ADAMTS13: variants seen among roughly 807,000 people sequenced by gnomAD.
The protein encoded by ADAMTS13 is ADAM metallopeptidase with thrombospondin type 1 motif 13, also known as A disintegrin and metalloproteinase with thrombospondin motifs 13.
ADAMTS13 carries 110 observed loss-of-function variants against 155.1 expected under a neutral mutation model. That is an observed-to-expected ratio of 0.71 (90% CI 0.61 to 0.83). The LOEUF is 0.83. Among genes scored for constraint, ADAMTS13 ranks in the 40% least tolerant of loss-of-function variants. ADAMTS13 has a pLI of 0.00. For synonymous variants in ADAMTS13, 758 were observed against 756.4 expected (o/e 1.00, Z -0.03); for missense variants, 1,707 against 1,891.7 (o/e 0.90, Z 1.81).
chr9:133,429,802 C>A, intron 7 of ADAMTS13, 137 bp from the exon 8 acceptor site: 1 of 1,198,758 alleles, frequency 8.3e-7, no homozygotes, highest in Non-Finnish European at 1.2e-6. Context: ...GTGGGGGGCG[C>A]GGGCCGAGAA....
At chr9:133,420,032 G>A (rs1554782713), upstream of ADAMTS13, among the ~76,000 whole-genome samples, 1 of 152,146 alleles carries the variant, frequency 6.6e-6, no homozygotes, top group East Asian at 1.9e-4. Context: ...AGCCTCCCGA[G>A]TAGCTGGGAT....
Position 133,445,753 on chromosome 9 carries a change from A to G in ADAMTS13, c.2665A>G (p.Thr889Ala). The G allele has an allele frequency of 1.2e-6, 2 of 1,610,692 alleles. No individual in the cohort carries two copies. The highest frequency in any genetic ancestry group is 1.7e-4 in the Middle Eastern group (1 of 6,054). ...KAPSPWGSIR[T>A]GAQAAHVWTP... ...TCCCTCCCCATGGGGCAGCATCAGG[A>G]CGGGGGCTCAAGCTGCACACGTGTG... The change falls in exon 21 of 29, where the codon ACG becomes GCG. Residue 889 changes from threonine (T) to alanine (A), a missense_variant. Coordinates refer to ENST00000355699, the MANE Select transcript of ADAMTS13 (RefSeq NM_139027.6). This position sits in a 1 kb window ranked among gnomAD's most constrained non-coding sequence, Gnocchi z 5.0.
intron 6 of ADAMTS13, 66 bp from the exon 7 acceptor site, chr9:133,428,568 T>TGCCC: frequency 1.6e-5 from 2 of 124,986 alleles, no homozygotes; most frequent in East Asian, 2.3e-4. Context: ...CCGACCCCCG[T>TGCCC]CCCGCCCCCA....
chr9:133,430,246 G>C, intron 8 of ADAMTS13, 145 bp downstream of exon 8: 1 of 1,002,470 alleles, frequency 1.0e-6, no homozygotes, highest in Non-Finnish European at 1.5e-6. Context: ...GTTTAATGCT[G>C]TCTGTGCCCT....
upstream of ADAMTS13, among the ~76,000 whole-genome samples, chr9:133,418,617 A>C (rs925582160): frequency 1.5e-4 from 23 of 152,136 alleles, no homozygotes; most frequent in African/African-American, 5.3e-4. Flanking sequence ...TTACAACCCT[A>C]AGGGGGTCTG....
At position 133,423,186 on chromosome 9, in the gene ADAMTS13, T is replaced by C; in HGVS notation, c.172+19T>C. ...TTAAAAGGTACTTGTCCTGGTGTCTTCTCTCCCGGGGGGAGTTTCTCAGGA... is the reference window on the plus strand; with the variant it reads ...TTAAAAGGTACTTGTCCTGGTGTCTCCTCTCCCGGGGGGAGTTTCTCAGGA... On this transcript the variant is annotated intron_variant, in intron 2 of 28. Transcript: ENST00000355699. 1 of 1,612,392 alleles carries C rather than the reference T, an allele frequency of 6.2e-7. No homozygotes were observed. The highest frequency in any genetic ancestry group is 1.7e-5 in the Admixed American group (1 of 60,006).
intron 21 of ADAMTS13, 146 bp from the exon 22 acceptor site, chr9:133,448,453 T>C: frequency 2.0e-6 from 2 of 995,634 alleles, no homozygotes; most frequent in African/African-American, 1.6e-5. Flanking sequence ...TTAAGTCAGT[T>C]GTCTGAGGTC....
Position 133,457,955 on chromosome 9 carries a change from C to T in ADAMTS13, c.3770C>T (p.Pro1257Leu). The T allele has an allele frequency of 1.2e-6, 2 of 1,613,764 alleles. No individual in the cohort carries two copies. The highest frequency in any genetic ancestry group is 2.2e-5 in the South Asian group (2 of 91,086). Reference sequence around the variant, plus strand: ...GGGCCCTGGGGTGAAATCGTGAGCCCCTCGCTGAGTCCAGCCACGAGTAAT... The same window carrying T: ...GGGCCCTGGGGTGAAATCGTGAGCCTCTCGCTGAGTCCAGCCACGAGTAAT... ...LFGPWGEIVS[P>L]SLSPATSNAG... Residue 1257 changes from proline (P) to leucine (L), a missense_variant, in exon 28 of 29, where the codon CCC becomes CTC. Coordinates refer to ENST00000355699, the MANE Select transcript of ADAMTS13 (RefSeq NM_139027.6).
chr9:133,456,650 T>C lies in ADAMTS13; in HGVS notation c.3655T>C (p.Cys1219Arg), dbSNP rs1554796129. The change falls in exon 27 of 29, where the codon TGC (cysteine) becomes CGC (arginine). Residue 1219 changes from cysteine to arginine, a missense_variant. By Grantham distance (180) the Cys-to-Arg change is radical. Transcript: ENST00000355699. This position sits in a 1 kb window ranked among gnomAD's most constrained non-coding sequence, Gnocchi z 4.4. ...KTNTLVVRQR[C>R]GRPGGGVLLR... ...CAACACGCTGGTGGTGAGGCAGCGC[T>C]GCGGGCGGCCAGGAGGTGGGGTGCT... The C allele has an allele frequency of 1.2e-6, 2 of 1,606,128 alleles. No individual in the cohort carries two copies. The highest frequency in any genetic ancestry group is 8.5e-7 in the Non-Finnish European group (1 of 1,176,494).
Position 133,429,955 on chromosome 9 carries a change from T to G in ADAMTS13, c.841T>G (p.Cys281Gly). Residue 281 changes from cysteine (C) to glycine (G), a missense_variant, in exon 8 of 29, where the codon TGC (cysteine) becomes GGC (glycine). Coordinates refer to ENST00000355699, the MANE Select transcript of ADAMTS13 (RefSeq NM_139027.6). The stretch of plus-strand genomic sequence containing the variant: ...TTGTCGCAGCGCAGGACGGGCGCGC[T>G]GCGTGTGGGACCCGCCGCGGCCTCA... ...LSLLSAGRAR[C>G]VWDPPRPQPG... 1 of 1,537,470 alleles carries G rather than the reference T, an allele frequency of 6.5e-7. No individual in the cohort carries two copies. Among genetic ancestry groups the G allele is most frequent in the Non-Finnish European group, 8.7e-7 (1 of 1,146,376 alleles).
Position 133,436,887 on chromosome 9 carries a change from A to G in ADAMTS13, c.1367A>G (p.Gln456Arg). Reference protein sequence around the residue: ...MSQQCARTDGQPLRSSPGGAS... With the variant: ...MSQQCARTDGRPLRSSPGGAS... ...CAACAGTGCGCCAGGACCGACGGCC[A>G]GCCGCTGCGCTCCTCCCCTGGCGGC... Residue 456 changes from glutamine (Q) to arginine (R), a missense_variant, in exon 12 of 29, where the codon CAG becomes CGG. Gln to Arg is a conservative substitution (Grantham distance 43, BLOSUM62 1). This residue lies in a region of ADAMTS13 where 733 missense variants were observed against 749.6 expected (regional missense o/e 0.98). Coordinates refer to ENST00000355699, the MANE Select transcript of ADAMTS13 (RefSeq NM_139027.6). 2 of 1,585,068 alleles carry G rather than the reference A, an allele frequency of 1.3e-6. No individual in the cohort carries two copies. Among genetic ancestry groups the G allele is most frequent in the Non-Finnish European group, 1.7e-6 (2 of 1,166,608 alleles).
At chr9:133,443,962 G>A (rs1271127229) in intron 19 of ADAMTS13, among the ~76,000 whole-genome samples, 1 of 152,080 alleles carries the variant, frequency 6.6e-6, no homozygotes, top group Non-Finnish European at 1.5e-5. Context: ...ATCCTGCCCT[G>A]CCACTAACGA....
At chr9:133,417,780 G>C (rs781805760), upstream of ADAMTS13, 27 of 1,611,018 alleles carry the variant, frequency 1.7e-5, no homozygotes, top group Non-Finnish European at 2.3e-5. Flanking sequence ...CGTCTTGACA[G>C]GACCCGGCTT....
At chr9:133,451,145 C>A (rs2130920988) in intron 23 of ADAMTS13, among the ~76,000 whole-genome samples, 1 of 152,320 alleles carries the variant, frequency 6.6e-6, no homozygotes, top group African/African-American at 2.4e-5. Context: ...TAAAGAAATA[C>A]TTTTCTATAT....
Position 133,448,494 on chromosome 9 carries a change from G to A in ADAMTS13, c.2732-105G>A, listed in dbSNP as rs1842216792. The A allele has an allele frequency of 6.7e-6, 10 of 1,501,908 alleles. No homozygotes were observed. In the South Asian group the frequency reaches 9.1e-5, roughly 14 times the overall value. 93.0% of individuals were successfully genotyped at this position (1,501,908 alleles called of 1,614,324 possible). On this transcript the variant is annotated intron_variant, in intron 21 of 28. Transcript: ENST00000355699. The stretch of plus-strand genomic sequence containing the variant: ...GCTGGTAAGTGGCAGAGCCGGGATT[G>A]AAACCCATGCGGGCCTTATGTGCTA...
At position 133,456,790 on chromosome 9, in the gene ADAMTS13, G is replaced by A. The variant is rs1554796187; in HGVS notation, c.3724+71G>A. On this transcript the variant is annotated intron_variant, in intron 27 of 28. Transcript: ENST00000355699. The surrounding 1 kb of genome is among the most constrained non-coding windows in gnomAD (Gnocchi z 4.4). The stretch of plus-strand genomic sequence containing the variant: ...CAGGGAGGCTGGGTGGGTGCTGCTG[G>A]GGATGGGGCCAGTCCCAGTGGGGCA... 1.3e-6 allele frequency: 2 copies of A among 1,527,134 alleles called. No individual in the cohort carries two copies. Among genetic ancestry groups the A allele is most frequent in the South Asian group, 2.4e-5 (2 of 83,424 alleles). The allele number at this position is 1,527,134 out of a possible 1,614,324, so 94.6% of individuals were successfully genotyped here. A position where few individuals can be genotyped will look rare whatever the true frequency, so the allele number is the denominator to read the frequency against.
chr9:133,455,821 C>T lies in ADAMTS13; in HGVS notation c.3401-248C>T, dbSNP rs36222583. On this transcript the variant is annotated intron_variant, in intron 25 of 28. Coordinates refer to ENST00000355699, the MANE Select transcript of ADAMTS13 (RefSeq NM_139027.6). ...GAAGGTAGGAACCCAGCTTGTGAGC[C>T]CCCTAGCCTCTGGGCTGCTCTGCAT... 3.7e-3 allele frequency: 2,892 copies of T among 778,614 alleles called. 15 individuals are homozygous for T. The highest frequency in any genetic ancestry group is 4.8e-3 in the Non-Finnish European group (2,278 of 478,168). The allele number at this position is 778,614 out of a possible 1,614,324, so 48.2% of individuals were successfully genotyped here.
chr9:133,430,096 C>G lies in ADAMTS13; in HGVS notation c.982C>G (p.His328Asp). ...KAVACTFARE[H>D]LDMCQALSCH... The stretch of plus-strand genomic sequence containing the variant: ...TGTCGCCTGCACCTTCGCCAGGGAG[C>G]ACCTGGTGAGTCTGCCGGCGGTGGC... The change falls in exon 8 of 29, where the codon CAC becomes GAC. Residue 328 changes from histidine (H) to aspartate (D), a missense_variant. This residue lies in a region of ADAMTS13 where 733 missense variants were observed against 749.6 expected (regional missense o/e 0.98). Coordinates refer to ENST00000355699, the MANE Select transcript of ADAMTS13 (RefSeq NM_139027.6). 2 of 1,585,442 alleles carry G rather than the reference C, an allele frequency of 1.3e-6. No individual in the cohort carries two copies. The highest frequency in any genetic ancestry group is 1.7e-6 in the Non-Finnish European group (2 of 1,171,502).
intron 5 of ADAMTS13, 52 bp downstream of exon 5, chr9:133,426,114 C>T: frequency 6.2e-7 from 1 of 1,613,928 alleles, no homozygotes; most frequent in Non-Finnish European, 8.5e-7. Context: ...AAGGCTGCTC[C>T]CTCAGCCTCC....
Sources: gnomAD v4.1 joint callset for allele counts (sites outside exome capture counted in the v4.1 genomes callset) on GRCh38, gnomAD v4.1.1 for gene constraint, gnomAD v4.1.1 regional missense constraint, Gnocchi (gnomAD v3.1) non-coding constraint, MANE v1.5 for transcripts, NCBI Gene and HGNC (gene_info 2026-07-23, HGNC 2026-07-21) for gene names.